The following GPRC5B variants were observed in gnomAD, a reference collection of about 807,000 sequenced individuals.
GPRC5B encodes G protein-coupled receptor class C group 5 member B.
In GPRC5B, 16 loss-of-function variants were observed where a neutral mutation model predicts 30.1. The observed-to-expected ratio is 0.53, with a 90% CI of 0.36 to 0.81. The LOEUF is 0.81. Ranked by LOEUF, GPRC5B falls within the 30% of genes least tolerant of loss-of-function variation. The pLI, the probability that GPRC5B is intolerant of heterozygous loss-of-function variation, is 0.01. For synonymous variants in GPRC5B, 241 were observed against 239.5 expected (o/e 1.01, Z -0.06); for missense variants, 428 against 544.7 (o/e 0.79, Z 2.13).
rs1361794158 is a variant in GPRC5B, at chr16:19,857,668, C to T, written c.*2832G>A. On this transcript the variant is annotated 3_prime_UTR_variant, in exon 4 of 4. Transcript: ENST00000300571. ...TTTCAACTTGGGGTTTGGCCTGAGGCGTTCAACTCAGCCTTGGCCAACCGA... is the reference window on the plus strand; with the variant it reads ...TTTCAACTTGGGGTTTGGCCTGAGGTGTTCAACTCAGCCTTGGCCAACCGA... The T allele has an allele frequency of 8.4e-6, 2 of 238,164 alleles. No individual in the cohort carries two copies. Among genetic ancestry groups the T allele is most frequent in the South Asian group, 4.9e-5 (1 of 20,290 alleles). 14.8% of individuals were successfully genotyped at this position (238,164 alleles called of 1,614,324 possible). A position where few individuals can be genotyped will look rare whatever the true frequency, so the allele number is the denominator to read the frequency against.
At chr16:19,880,231 G>A (rs989587811) in intron 1 of GPRC5B, among the ~76,000 whole-genome samples, 3 of 151,376 alleles carry the variant, frequency 2.0e-5, no homozygotes, top group Non-Finnish European at 2.9e-5. Flanking sequence ...GAGCTCTTCT[G>A]AAACTGATTT....
At chr16:19,879,772 C>T (rs762908163) in intron 1 of GPRC5B, among the ~76,000 whole-genome samples, 16 of 152,048 alleles carry the variant, frequency 1.1e-4, no homozygotes, top group East Asian at 1.9e-4. Flanking sequence ...GTTGCGGTGA[C>T]GGTTAAAATA....
Position 19,871,441 on chromosome 16 carries a change from G to A in GPRC5B, c.1030+375C>T, listed in dbSNP as rs2056718698. 5.3e-5 allele frequency among the ~76,000 whole-genome samples: 8 copies of A among 151,846 alleles called. No homozygotes were observed. In the South Asian group the frequency reaches 1.5e-3, roughly 28 times the overall value. The stretch of plus-strand genomic sequence containing the variant: ...GTTCAAGACCAAGCTGGCCAATATG[G>A]TGAAACCCCATCTCTACTAAAAATA... On this transcript the variant is annotated intron_variant, in intron 2 of 3. Transcript: ENST00000300571.
chr16:19,881,782 A>C (rs2056808706), intron 1 of GPRC5B, among the ~76,000 whole-genome samples: 1 of 152,250 alleles, frequency 6.6e-6, no homozygotes, highest in Non-Finnish European at 1.5e-5. Flanking sequence ...ACTGTCTCAA[A>C]AAAGAAAGAC....
chr16:19,884,798 C>T lies in GPRC5B; in HGVS notation c.-73G>A. Reference sequence around the variant, plus strand: ...CCGAGTCACATCTCTGCGGCGCGGCCGCGGCCCCCGCTCCACGCACGCCCG... The same window carrying T: ...CCGAGTCACATCTCTGCGGCGCGGCTGCGGCCCCCGCTCCACGCACGCCCG... On this transcript the variant is annotated 5_prime_UTR_variant, in exon 1 of 4. Transcript: ENST00000300571. 4 of 984,438 alleles carry T rather than the reference C, an allele frequency of 4.1e-6. No individual in the cohort carries two copies. The highest frequency in any genetic ancestry group is 3.6e-6 in the Non-Finnish European group (3 of 829,496). The allele number at this position is 984,438 out of a possible 1,614,324, so 61.0% of individuals were successfully genotyped here. A position where few individuals can be genotyped will look rare whatever the true frequency, so the allele number is the denominator to read the frequency against.
At chr16:19,865,871 TA>T (rs1010341365) in intron 2 of GPRC5B, among the ~76,000 whole-genome samples, 1 of 152,104 alleles carries the variant, frequency 6.6e-6, no homozygotes, top group African/African-American at 2.4e-5. Context: ...TTGGAGAGCT[TA>T]AAAAATACCT....
At chr16:19,877,112 C>G (rs2056764792) in intron 1 of GPRC5B, among the ~76,000 whole-genome samples, 1 of 152,186 alleles carries the variant, frequency 6.6e-6, no homozygotes, top group South Asian at 2.1e-4. Context: ...AGGGTGAGAA[C>G]TTGTCTGAGA....
At chr16:19,866,569 G>A (rs1468553984) in intron 2 of GPRC5B, among the ~76,000 whole-genome samples, 1 of 151,686 alleles carries the variant, frequency 6.6e-6, no homozygotes, top group East Asian at 1.9e-4. Context: ...AGTAGAGACA[G>A]GGGTGTCGCC....
Position 19,858,513 on chromosome 16 carries a change from G to A in GPRC5B, c.*1987C>T, listed in dbSNP as rs762733344. ...GTGAATGGTATCAGAAAGCTCCAAA[G>A]GACTCCAGAGAGCGGGGGTGAGTAA... On this transcript the variant is annotated 3_prime_UTR_variant, in exon 4 of 4. Transcript: ENST00000300571. The A allele has an allele frequency of 8.7e-6, 6 of 693,052 alleles. No homozygotes were observed. Among genetic ancestry groups the A allele is most frequent in the African/African-American group, 7.1e-5 (4 of 56,352 alleles). The allele number at this position is 693,052 out of a possible 1,614,324, so 42.9% of individuals were successfully genotyped here.
intron 3 of GPRC5B, among the ~76,000 whole-genome samples, chr16:19,861,380 A>G (rs1277250505): frequency 6.6e-6 from 1 of 152,184 alleles, no homozygotes; most frequent in East Asian, 1.9e-4. Context: ...GAGAAACAGT[A>G]ACTGCTTCAA....
chr16:19,882,786 C>G (rs1157104391), intron 1 of GPRC5B, among the ~76,000 whole-genome samples: 1 of 152,298 alleles, frequency 6.6e-6, no homozygotes, highest in Middle Eastern at 3.4e-3. Flanking sequence ...CATGATCTGG[C>G]TGGTCCCTAC....
chr16:19,860,918 C>T (rs769645890), intron 3 of GPRC5B, among the ~76,000 whole-genome samples: 5 of 151,908 alleles, frequency 3.3e-5, no homozygotes, highest in Admixed American at 6.6e-5. Context: ...TTTCTTGGCT[C>T]GGGACAATAA....
Position 19,872,933 on chromosome 16 carries a change from C to T in GPRC5B, c.-1-87G>A, listed in dbSNP as rs931275124. ...CCCTCTCCTGACTTCTTGAAGAAGACTCGCCTCATTTCAAACCTGCAAGCG... is the reference window on the plus strand; with the variant it reads ...CCCTCTCCTGACTTCTTGAAGAAGATTCGCCTCATTTCAAACCTGCAAGCG... On this transcript the variant is annotated intron_variant, in intron 1 of 3. Transcript: ENST00000300571. The surrounding 1 kb of genome is among the most constrained non-coding windows in gnomAD (Gnocchi z 5.0). 4 of 976,664 alleles carry T rather than the reference C, an allele frequency of 4.1e-6. No individual in the cohort carries two copies. The highest frequency in any genetic ancestry group is 6.2e-6 in the Non-Finnish European group (4 of 643,438). The allele number at this position is 976,664 out of a possible 1,614,324, so 60.5% of individuals were successfully genotyped here. A position where few individuals can be genotyped will look rare whatever the true frequency, so the allele number is the denominator to read the frequency against.
At chr16:19,864,310 C>T (rs1036191499) in intron 2 of GPRC5B, among the ~76,000 whole-genome samples, 1 of 152,242 alleles carries the variant, frequency 6.6e-6, no homozygotes, top group Non-Finnish European at 1.5e-5. Context: ...CAGCCCAAAG[C>T]CCCTAATAGA....
upstream of GPRC5B, chr16:19,885,188 A>G (rs777684216): frequency 1.6e-6 from 2 of 1,285,642 alleles, no homozygotes; most frequent in Non-Finnish European, 2.0e-6. This position sits in a 1 kb window ranked among gnomAD's most constrained non-coding sequence, Gnocchi z 5.3. Flanking sequence ...ACACTCCCCT[A>G]GCCAATACAC....
At chr16:19,862,067 C>G (rs905928725) in intron 2 of GPRC5B, 94 bp from the exon 3 acceptor site, 1 of 1,125,634 alleles carries the variant, frequency 8.9e-7, no homozygotes, top group Admixed American at 2.0e-5. Context: ...CCGGGCACCC[C>G]CATCCACCCA....
At chr16:19,862,008 CA>C (rs370170986) in intron 2 of GPRC5B, 35 bp from the exon 3 acceptor site, 272 of 1,600,018 alleles carry the variant, frequency 1.7e-4, no homozygotes, top group Non-Finnish European at 2.2e-4. Context: ...ACAACATTGC[CA>C]AAAAAAAGAC....
At chr16:19,869,184 C>T (rs527519508) in intron 2 of GPRC5B, among the ~76,000 whole-genome samples, 1 of 151,866 alleles carries the variant, frequency 6.6e-6, no homozygotes, top group South Asian at 2.1e-4. Context: ...CAAAAATTAG[C>T]CAGGCGTGAT....
Position 19,860,464 on chromosome 16 carries a change from TA to T in GPRC5B, c.*35del. ...AGACACAGCCAGGGAGGCAAATCGG[TA>T]AGAGAAATTCTGATTCTCTGGAACT... On this transcript the variant is annotated 3_prime_UTR_variant, in exon 4 of 4. Transcript: ENST00000300571. 1.4e-6 allele frequency: 2 copies of T among 1,388,880 alleles called. No individual in the cohort carries two copies. The highest frequency in any genetic ancestry group is 1.0e-6 in the Non-Finnish European group (1 of 976,306). 86.0% of individuals were successfully genotyped at this position (1,388,880 alleles called of 1,614,324 possible).
Sources: allele counts gnomAD v4.1 joint callset (sites outside exome capture counted in the v4.1 genomes callset), GRCh38; gene constraint gnomAD v4.1.1; non-coding constraint Gnocchi (gnomAD v3.1); transcripts MANE v1.5; gene names NCBI Gene and HGNC (gene_info 2026-07-23, HGNC 2026-07-21).